PCNX2: variants seen among roughly 807,000 people sequenced by gnomAD.
PCNX2 encodes pecanex 2.
A neutral mutation model predicts 223.8 loss-of-function variants in PCNX2; 168 were observed. That is an observed-to-expected ratio of 0.75 (90% confidence interval 0.66 to 0.85). The LOEUF (loss-of-function observed/expected upper bound fraction) is 0.85. Among genes scored for constraint, PCNX2 ranks in the 40% least tolerant of loss-of-function variants. The pLI is 0.00. For synonymous variants in PCNX2, 1,006 were observed against 1,052.6 expected (o/e 0.96, Z 0.86); for missense variants, 2,507 against 2,675.5 (o/e 0.94, Z 1.39).
the PCNX2 span, among the ~76,000 whole-genome samples, chr1:233,322,754 G>A: frequency 6.6e-6 from 1 of 152,128 alleles, no homozygotes; most frequent in African/African-American, 2.4e-5. Flanking sequence ...CTAAGTCAAA[G>A]GCACCCCCAC....
Position 233,161,362 on chromosome 1 carries a change from G to A in PCNX2, c.3275C>T (p.Thr1092Met), listed in dbSNP as rs749109145. ...GATGAGATCCCATTTTAAGACATCCGTCTGGAAAGAGAAAACCAGCGGTAA... is the reference window on the plus strand; with the variant it reads ...GATGAGATCCCATTTTAAGACATCCATCTGGAAAGAGAAAACCAGCGGTAA... ...PLPKKMKDSV[T>M]DVLKWDLIVC... The change falls in exon 18 of 34, where the codon ACG (threonine) becomes ATG (methionine). Residue 1092 changes from threonine (T) to methionine (M), a missense_variant and splice_region_variant. By Grantham distance (81) the Thr-to-Met change is moderately conservative. Coordinates refer to ENST00000258229, the MANE Select transcript of PCNX2 (RefSeq NM_014801.4). 43 of 1,613,304 alleles carry A rather than the reference G, an allele frequency of 2.7e-5. No homozygotes were observed. The East Asian group carries it at 4.7e-4, about 18-fold the overall frequency.
chr1:233,324,653 T>G, the PCNX2 span, among the ~76,000 whole-genome samples: 4 of 143,750 alleles, frequency 2.8e-5, no homozygotes, highest in Non-Finnish European at 4.5e-5. Flanking sequence ...CATGCTGGAG[T>G]GCACTGGCAT....
At chr1:233,177,681 G>A (rs572566228) in intron 17 of PCNX2, 121 bp downstream of exon 17, 58 of 776,248 alleles carry the variant, frequency 7.5e-5, no homozygotes, top group South Asian at 1.2e-4. Context: ...GGTACCAAGC[G>A]AGGTGTATCT....
intron 13 of PCNX2, among the ~76,000 whole-genome samples, chr1:233,206,124 T>A (rs555522010): frequency 6.6e-6 from 1 of 151,950 alleles, no homozygotes; most frequent in Admixed American, 6.6e-5. Flanking sequence ...AAGCCACAGA[T>A]CCCTGGGACC....
In PCNX2 at chr1:232,986,362, C is replaced by T. The variant is rs372086633; in HGVS notation, c.5970G>A (p.Ser1990=). 8.3e-5 allele frequency: 133 copies of T among 1,601,308 alleles called. No homozygotes were observed. Among genetic ancestry groups the T allele is most frequent in the East Asian group, 2.3e-4 (10 of 44,418 alleles). The change falls in exon 33 of 34, where the codon TCG becomes TCA. Residue 1990 remains serine (S), a synonymous_variant. Transcript: ENST00000258229. Reference sequence around the variant, plus strand: ...GGGGCTGAGAGTGCAGGGACGTGGCCGAGGCGTGCAAGGAGAGCCGGCTGC... The same window carrying T: ...GGGGCTGAGAGTGCAGGGACGTGGCTGAGGCGTGCAAGGAGAGCCGGCTGC... The part of the protein sequence containing the change: ...LSGSRLSLHA[S]ATSLHSQPPP...
At position 233,139,651 on chromosome 1, in the gene PCNX2, A is replaced by G; in HGVS notation, c.3659+63T>C. On this transcript the variant is annotated intron_variant, in intron 20 of 33. Transcript: ENST00000258229. The surrounding 1 kb of genome is among the most constrained non-coding windows in gnomAD (Gnocchi z 4.4). ...GCTTCTTCTGCAGATTGTTTACAGA[A>G]AATTCACTCGATTTTGAAAATGTGA... The G allele has an allele frequency of 6.6e-7, 1 of 1,513,884 alleles. No individual in the cohort carries two copies. Among genetic ancestry groups the G allele is most frequent in the Non-Finnish European group, 8.9e-7 (1 of 1,122,544 alleles). The allele number at this position is 1,513,884 out of a possible 1,614,324, so 93.8% of individuals were successfully genotyped here. A position where few individuals can be genotyped will look rare whatever the true frequency, so the allele number is the denominator to read the frequency against.
intron 8 of PCNX2, chr1:233,241,081 T>G: frequency 1.3e-6 from 1 of 771,484 alleles, no homozygotes; most frequent in Non-Finnish European, 1.6e-6. Flanking sequence ...CAGCAACATG[T>G]TCAACATGTA....
intron 1 of PCNX2, among the ~76,000 whole-genome samples, chr1:233,274,419 G>A (rs1660806751): frequency 6.6e-6 from 1 of 152,150 alleles, no homozygotes; most frequent in East Asian, 1.9e-4. Context: ...CAGAGGGGGT[G>A]CAAAATCAAC....
chr1:233,030,200 T>C (rs892934106), intron 25 of PCNX2, among the ~76,000 whole-genome samples: 1 of 152,206 alleles, frequency 6.6e-6, no homozygotes, highest in Non-Finnish European at 1.5e-5. Flanking sequence ...CTGTTGTTGT[T>C]GTTGTTAAGC....
chr1:233,068,851 T>A (rs2102899320), intron 23 of PCNX2, among the ~76,000 whole-genome samples: 1 of 152,132 alleles, frequency 6.6e-6, no homozygotes, highest in South Asian at 2.1e-4. Context: ...AGCCCTAATA[T>A]GTCAATAATT....
chr1:233,321,008 GTCT>G, the PCNX2 span, among the ~76,000 whole-genome samples: 4 of 121,822 alleles, frequency 3.3e-5, no homozygotes, highest in African/African-American at 9.4e-5. Context: ...TCAAGAAAAT[GTCT>G]TCTTTTTTTT....
chr1:232,986,099 G>T lies in PCNX2; in HGVS notation c.6233C>A (p.Ala2078Asp). 6.4e-7 allele frequency: 1 copy of T among 1,561,178 alleles called. No individual in the cohort carries two copies. The change falls in exon 33 of 34, where the codon GCC becomes GAC. Residue 2078 changes from alanine (A) to aspartate (D), a missense_variant. By Grantham distance (126) the Ala-to-Asp change is moderately radical (BLOSUM62 -2). Transcript: ENST00000258229. The stretch of plus-strand genomic sequence containing the variant: ...CCCTGCCCAGCCCCTTACCCGAGTG[G>T]CCTGGCTGGCAGCCCTGGCTGAGGG... ...MGPSARAASQ[A>D]TRHLSEPCEP...
intron 25 of PCNX2, among the ~76,000 whole-genome samples, chr1:233,046,892 G>A (rs1572044147): frequency 6.6e-6 from 1 of 152,350 alleles, no homozygotes; most frequent in Non-Finnish European, 1.5e-5. Flanking sequence ...CAGAATCTGA[G>A]CTGTCCTTGG....
chr1:233,223,951 C>A lies in PCNX2; in HGVS notation c.2504+3275G>T, dbSNP rs7520943. ...CCAACCACCAGTTCGAACATCAGTG[C>A]CCTTCCCTCTCAGGTCTCTCTATCT... On this transcript the variant is annotated intron_variant, in intron 10 of 33. Coordinates refer to ENST00000258229, the MANE Select transcript of PCNX2 (RefSeq NM_014801.4). 9.5e-4 allele frequency among the ~76,000 whole-genome samples: 145 copies of A among 152,302 alleles called. 2 individuals carry two copies. The highest frequency in any genetic ancestry group is 3.5e-3 in the African/African-American group (145 of 41,556).
At chr1:233,324,843 C>T in the PCNX2 span, among the ~76,000 whole-genome samples, 1 of 152,052 alleles carries the variant, frequency 6.6e-6, no homozygotes, top group Non-Finnish European at 1.5e-5. Context: ...CCCACCTCGG[C>T]CTCCCAAAGT....
chr1:233,034,538 T>C (rs923505789), intron 25 of PCNX2, among the ~76,000 whole-genome samples: 1 of 152,164 alleles, frequency 6.6e-6, no homozygotes, highest in Non-Finnish European at 1.5e-5. Context: ...CTTCATCTAG[T>C]TTTGACAATT....
At chr1:233,011,272 A>G (rs1487242625) in intron 28 of PCNX2, among the ~76,000 whole-genome samples, 2 of 152,200 alleles carry the variant, frequency 1.3e-5, no homozygotes, top group Non-Finnish European at 2.9e-5. Context: ...AATGTAATAC[A>G]ACATTAATAT....
Position 233,162,828 on chromosome 1 carries a change from G to A in PCNX2, c.3274-1465C>T, listed in dbSNP as rs749560727. On this transcript the variant is annotated intron_variant, in intron 17 of 33. Coordinates refer to ENST00000258229, the MANE Select transcript of PCNX2 (RefSeq NM_014801.4). The stretch of plus-strand genomic sequence containing the variant: ...TCTGAAAGAAGATAAACATTTTCCC[G>A]AATATTCTAATTTAAAATCATGTGT... 9.2e-5 allele frequency among the ~76,000 whole-genome samples: 14 copies of A among 152,016 alleles called. 1 individual carries two copies. Among genetic ancestry groups the A allele is most frequent in the South Asian group, 2.1e-4 (1 of 4,832 alleles).
At position 232,986,074 on chromosome 1, in the gene PCNX2, C is replaced by G; in HGVS notation, c.6240+18G>C. 5 of 1,553,008 alleles carry G rather than the reference C, an allele frequency of 3.2e-6. No individual in the cohort carries two copies. The highest frequency in any genetic ancestry group is 3.5e-6 in the Non-Finnish European group (4 of 1,147,938). On this transcript the variant is annotated intron_variant, in intron 33 of 33. Coordinates refer to ENST00000258229, the MANE Select transcript of PCNX2 (RefSeq NM_014801.4). ...CACCATCCCAGCCTGTCCTGGTGAG[C>G]CCTGCCCAGCCCCTTACCCGAGTGG...
Sources: allele counts gnomAD v4.1 joint callset (sites outside exome capture counted in the v4.1 genomes callset), GRCh38; gene constraint gnomAD v4.1.1; non-coding constraint Gnocchi (gnomAD v3.1); transcripts MANE v1.5; gene names NCBI Gene and HGNC (gene_info 2026-07-23, HGNC 2026-07-21).